The following CRYGB variants were observed in gnomAD, a reference collection of about 807,000 sequenced individuals.
The protein encoded by CRYGB is gamma-crystallin B.
Under a neutral mutation model 21.3 loss-of-function variants are expected in CRYGB, and 19 were observed. That is an observed-to-expected ratio of 0.89 (90% CI 0.62 to 1.31). CRYGB has a LOEUF of 1.31. Among genes scored for constraint, CRYGB ranks in the 50% most tolerant of loss-of-function variants. The pLI, the probability that CRYGB is intolerant of heterozygous loss-of-function variation, is 0.00. For synonymous variants in CRYGB, 81 were observed against 81.2 expected (o/e 1.00, Z 0.01); for missense variants, 254 against 228.4 (o/e 1.11, Z -0.72).
In CRYGB at chr2:208,145,817, A is replaced by T; in HGVS notation, c.209T>A (p.Met70Lys). The T allele has an allele frequency of 3.1e-6, 5 of 1,613,822 alleles. No individual in the cohort carries two copies. The highest frequency in any genetic ancestry group is 4.2e-6 in the Non-Finnish European group (5 of 1,179,976). Reference protein sequence around the residue: ...RGEYPDYQQWMGLSDSIRSCC... With the variant: ...RGEYPDYQQWKGLSDSIRSCC... The stretch of plus-strand genomic sequence containing the variant: ...GGAGCGGATGGAGTCGCTGAGGCCC[A>T]TCCATTGCTGGTAGTCAGGGTACTC... The change falls in exon 2 of 3, where the codon ATG becomes AAG. Residue 70 changes from methionine to lysine, a missense_variant. By Grantham distance (95) the Met-to-Lys change is moderately conservative. Coordinates refer to ENST00000260988, the MANE Select transcript of CRYGB (RefSeq NM_005210.4).
At chr2:208,145,232 T>TGTG (rs1161134213) in intron 2 of CRYGB, among the ~76,000 whole-genome samples, 5 of 81,204 alleles carry the variant, frequency 6.2e-5, no homozygotes, top group African/African-American at 1.9e-4. Flanking sequence ...AGTTTGTTGT[T>TGTG]GTTGTTGTTG....
intron 2 of CRYGB, 30 bp downstream of exon 2, chr2:208,145,744 G>C: frequency 6.9e-7 from 1 of 1,459,270 alleles, no homozygotes; most frequent in African/African-American, 1.5e-5. Context: ...TTTCCAAAAA[G>C]ATGGAAGGCA....
At chr2:208,145,008 T>C (rs1574338012) in intron 2 of CRYGB, among the ~76,000 whole-genome samples, 1 of 152,192 alleles carries the variant, frequency 6.6e-6, no homozygotes, top group Admixed American at 6.5e-5. Context: ...CTGTATCCCA[T>C]GCCTCCCACA....
At chr2:208,145,170 C>A (rs572943358) in intron 2 of CRYGB, among the ~76,000 whole-genome samples, 3 of 152,128 alleles carry the variant, frequency 2.0e-5, no homozygotes, top group African/African-American at 7.2e-5. Context: ...AGACAGGATC[C>A]TATCTTCTCA....
chr2:208,145,251 A>ATTG (rs200205334), intron 2 of CRYGB, among the ~76,000 whole-genome samples: 100,621 of 150,474 alleles, frequency 0.67, 33,988 homozygotes, highest in Non-Finnish European at 0.74. Context: ...TGTTGTTGTT[A>ATTG]TTGTCGTTTT....
intron 2 of CRYGB, among the ~76,000 whole-genome samples, chr2:208,144,023 T>G (rs566253199): frequency 2.1e-3 from 97 of 46,180 alleles, no homozygotes; most frequent in African/African-American, 5.6e-3. Flanking sequence ...TCTTTCTGGG[T>G]TTTTTTTTTT....
chr2:208,145,782 T>C lies in CRYGB; in HGVS notation c.244A>G (p.Ile82Val), dbSNP rs374476265. 2.3e-5 allele frequency: 37 copies of C among 1,610,588 alleles called. No homozygotes were observed. Among genetic ancestry groups the C allele is most frequent in the Admixed American group, 1.2e-4 (7 of 59,804 alleles). ...GACAGAGCCACACTCACCGGGGGGATGAGGCAGCAGGAGCGGATGGAGTCG... is the reference window on the plus strand; with the variant it reads ...GACAGAGCCACACTCACCGGGGGGACGAGGCAGCAGGAGCGGATGGAGTCG... ...LSDSIRSCCLIPPHSGAYRMK... is the reference protein window; with the variant it reads ...LSDSIRSCCLVPPHSGAYRMK... Residue 82 changes from isoleucine to valine, a missense_variant, in exon 2 of 3, where the codon ATC becomes GTC. Ile to Val is a conservative substitution (Grantham distance 29). Coordinates refer to ENST00000260988, the MANE Select transcript of CRYGB (RefSeq NM_005210.4).
rs774558938 is a variant in CRYGB, at chr2:208,145,870, C to T, written c.156G>A (p.Gln52=). The T allele has an allele frequency of 9.9e-6, 16 of 1,614,056 alleles. No homozygotes were observed. Among genetic ancestry groups the T allele is most frequent in the South Asian group, 2.2e-5 (2 of 91,084 alleles). Residue 52 remains glutamine (Q), a synonymous_variant, in exon 2 of 3, where the codon CAG becomes CAA. Coordinates refer to ENST00000260988, the MANE Select transcript of CRYGB (RefSeq NM_005210.4). The stretch of plus-strand genomic sequence containing the variant: ...CACGCCGCAGGAAGTACTGGTGGCC[C>T]TGGTAGTTGGGGCGCTCATAGATCA... ...CWMIYERPNY[Q]GHQYFLRRGE...
chr2:208,145,213 G>A (rs1695435041), intron 2 of CRYGB, among the ~76,000 whole-genome samples: 1 of 144,960 alleles, frequency 6.9e-6, no homozygotes, highest in Admixed American at 6.9e-5. Context: ...GTAAGACAAA[G>A]CAAGCAAAAG....
intron 2 of CRYGB, among the ~76,000 whole-genome samples, chr2:208,144,834 G>T (rs1695428027): frequency 6.6e-6 from 1 of 151,908 alleles, no homozygotes; most frequent in Admixed American, 6.6e-5. Flanking sequence ...CCTGACCTCG[G>T]CCTCCCAAAG....
At position 208,142,749 on chromosome 2, in the gene CRYGB, G is replaced by GA; in HGVS notation, c.416_417insT (p.Tyr140LeufsTer18). ...TCAGCAGATACTGCCTCCCCCTGTA[G>GA]TTGGGCATCTCATAGAGGATCCAGC... On this transcript the variant is annotated frameshift_variant, in exon 3 of 3. Transcript: ENST00000260988. LOFTEE classifies it high-confidence loss of function. 6.2e-7 allele frequency: 1 copy of GA among 1,614,146 alleles called. No individual in the cohort carries two copies. The highest frequency in any genetic ancestry group is 8.5e-7 in the Non-Finnish European group (1 of 1,180,024).
chr2:208,145,417 C>A (rs936278548), intron 2 of CRYGB, among the ~76,000 whole-genome samples: 1 of 151,842 alleles, frequency 6.6e-6, no homozygotes, highest in African/African-American at 2.4e-5. Flanking sequence ...GGCCGGATGC[C>A]GTGGTTCACA....
rs967356581 is a variant in CRYGB, at chr2:208,142,608, T to C, written c.*30A>G. On this transcript the variant is annotated 3_prime_UTR_variant, in exon 3 of 3. Transcript: ENST00000260988. The stretch of plus-strand genomic sequence containing the variant: ...ACAAGCTAAATATTTTATTAGATTT[T>C]AAAGGAGAAAAGTGGAAAACGTAAA... The C allele has an allele frequency of 6.9e-7, 1 of 1,448,332 alleles. No individual in the cohort carries two copies. Among genetic ancestry groups the C allele is most frequent in the Non-Finnish European group, 9.1e-7 (1 of 1,098,994 alleles). The allele number at this position is 1,448,332 out of a possible 1,614,324, so 89.7% of individuals were successfully genotyped here.
chr2:208,145,807 G>C lies in CRYGB; in HGVS notation c.219C>G (p.Ser73Arg). ...TGAGGCAGCAGGAGCGGATGGAGTC[G>C]CTGAGGCCCATCCATTGCTGGTAGT... ...YPDYQQWMGL[S>R]DSIRSCCLIP... The change falls in exon 2 of 3, where the codon AGC becomes AGG. Residue 73 changes from serine to arginine, a missense_variant. Ser to Arg is a moderately radical substitution (Grantham distance 110, BLOSUM62 -1). Coordinates refer to ENST00000260988, the MANE Select transcript of CRYGB (RefSeq NM_005210.4). The C allele has an allele frequency of 6.2e-7, 1 of 1,613,668 alleles. No individual in the cohort carries two copies. Among genetic ancestry groups the C allele is most frequent in the Non-Finnish European group, 8.5e-7 (1 of 1,179,986 alleles).
chr2:208,145,224 T>TTTGTTGTTGTTGTGTTTG (rs1695435594), intron 2 of CRYGB, among the ~76,000 whole-genome samples: 1 of 149,786 alleles, frequency 6.7e-6, no homozygotes, highest in African/African-American at 2.5e-5. Context: ...CAAGCAAAAG[T>TTTGTTGTTGTTGTGTTTG]TTGTTGTTGT....
At chr2:208,144,976 A>G (rs904872084) in intron 2 of CRYGB, among the ~76,000 whole-genome samples, 1 of 152,098 alleles carries the variant, frequency 6.6e-6, no homozygotes, top group Non-Finnish European at 1.5e-5. Context: ...TATCACCTTC[A>G]TTAACTTCTG....
At chr2:208,144,026 T>G (rs1428278378) in intron 2 of CRYGB, among the ~76,000 whole-genome samples, 1 of 150,474 alleles carries the variant, frequency 6.6e-6, no homozygotes. Context: ...TTCTGGGTTT[T>G]TTTTTTTTTT....
At chr2:208,144,713 C>T (rs1268292707) in intron 2 of CRYGB, among the ~76,000 whole-genome samples, 3 of 151,838 alleles carry the variant, frequency 2.0e-5, no homozygotes, top group Non-Finnish European at 4.4e-5. Flanking sequence ...GCCTCAGCCT[C>T]CCAAGTAGCT....
At chr2:208,143,217 T>C (rs1443016030) in intron 2 of CRYGB, among the ~76,000 whole-genome samples, 3 of 152,136 alleles carry the variant, frequency 2.0e-5, no homozygotes, top group East Asian at 1.9e-4. Flanking sequence ...CTGAGAGTCA[T>C]TGGAAAGTTA....
Sources: allele counts gnomAD v4.1 joint callset (sites outside exome capture counted in the v4.1 genomes callset), GRCh38; gene constraint gnomAD v4.1.1; transcripts MANE v1.5; gene names NCBI Gene and HGNC (gene_info 2026-07-23, HGNC 2026-07-21).